UGT1A8: variants seen among roughly 807,000 people sequenced by gnomAD.
The protein encoded by UGT1A8 is UDP-glucuronosyltransferase 1A8.
A neutral mutation model predicts 45.3 loss-of-function variants in UGT1A8; 39 were observed. The ratio of observed to expected loss-of-function variants is 0.86; its 90% CI spans 0.67 to 1.12. UGT1A8 has a LOEUF of 1.12. Among genes scored for constraint, UGT1A8 ranks in the 50% most tolerant of loss-of-function variants. The pLI is 0.00. For synonymous variants in UGT1A8, 275 were observed against 249.2 expected (o/e 1.10, Z -0.97); for missense variants, 719 against 664.9 (o/e 1.08, Z -0.90).
chr2:233,729,180 T>C (rs373402763), intron 1 of UGT1A8: 150 of 1,613,780 alleles, frequency 9.3e-5, no homozygotes, highest in Middle Eastern at 1.7e-4. Flanking sequence ...GACTGCTGCT[T>C]CTCCTCAGTG....
At position 233,689,220 on chromosome 2, in the gene UGT1A8, C is replaced by T. The variant is rs1451554792; in HGVS notation, c.855+70658C>T. On this transcript the variant is annotated intron_variant, in intron 1 of 4. Coordinates refer to ENST00000373450, the MANE Select transcript of UGT1A8 (RefSeq NM_019076.5). Reference sequence around the variant, plus strand: ...TGGCTGGGCAAGCCATACTTACCTGCACTTCCCTATTCCATCTGTGAGTGA... The same window carrying T: ...TGGCTGGGCAAGCCATACTTACCTGTACTTCCCTATTCCATCTGTGAGTGA... 3.0e-4 allele frequency among the ~76,000 whole-genome samples: 45 copies of T among 152,194 alleles called. 1 individual carries two copies. The highest frequency in any genetic ancestry group is 2.4e-5 in the African/African-American group (1 of 41,452).
At chr2:233,682,447 G>C in intron 1 of UGT1A8, 1 of 1,613,828 alleles carries the variant, frequency 6.2e-7, no homozygotes, top group East Asian at 2.2e-5. Flanking sequence ...TCTTCGCCAG[G>C]GGAATATTTT....
intron 1 of UGT1A8, among the ~76,000 whole-genome samples, chr2:233,709,420 GTCC>G (rs1443021141): frequency 6.6e-6 from 1 of 152,122 alleles, no homozygotes; most frequent in Non-Finnish European, 1.5e-5. Context: ...CAATAAGAAT[GTCC>G]TCCAGAAAGG....
intron 1 of UGT1A8, among the ~76,000 whole-genome samples, chr2:233,734,004 T>A (rs2078466874): frequency 6.6e-6 from 1 of 151,924 alleles, no homozygotes; most frequent in South Asian, 2.1e-4. Context: ...ATACCTAATG[T>A]TAAATGACGA....
chr2:233,624,280 C>T (rs1180314229), intron 1 of UGT1A8, among the ~76,000 whole-genome samples: 1 of 152,122 alleles, frequency 6.6e-6, no homozygotes, highest in Admixed American at 6.6e-5. Flanking sequence ...GTTTCTCAGA[C>T]TTTCCTTGTT....
intron 1 of UGT1A8, chr2:233,730,054 A>T (rs2077976978): frequency 1.2e-6 from 2 of 1,611,936 alleles, no homozygotes; most frequent in East Asian, 4.5e-5. Context: ...AAAAAAATGT[A>T]TTTATTTAAA....
chr2:233,625,177 C>T (rs2073068725), intron 1 of UGT1A8, among the ~76,000 whole-genome samples: 1 of 151,960 alleles, frequency 6.6e-6, no homozygotes, highest in African/African-American at 2.4e-5. Flanking sequence ...AAAAACATAA[C>T]ATATGAAAAA....
rs534080873 is a variant in UGT1A8 at position 233,731,172 on chromosome 2, T to C, written c.856-35862T>C. Among the ~76,000 whole-genome samples, 21 of 152,344 alleles carry C rather than the reference T, an allele frequency of 1.4e-4. No individual in the cohort carries two copies. The South Asian group carries it at 3.1e-3, about 23-fold the overall frequency. The stretch of plus-strand genomic sequence containing the variant: ...CTTTTTGATCAAACGACATGATTTT[T>C]TTATGCAATGTAATTATTCAATTAT... On this transcript the variant is annotated intron_variant, in intron 1 of 4. Coordinates refer to ENST00000373450, the MANE Select transcript of UGT1A8 (RefSeq NM_019076.5).
At position 233,772,492 on chromosome 2, in the gene UGT1A8, A is replaced by G; in HGVS notation, c.1526A>G (p.Tyr509Cys). Reference sequence around the variant, plus strand: ...TTCATCACCTTTAAATGTTGTGCTTATGGCTACCGGAAATGCTTGGGGAAA... The same window carrying G: ...TTCATCACCTTTAAATGTTGTGCTTGTGGCTACCGGAAATGCTTGGGGAAA... ...VAFITFKCCA[Y>C]GYRKCLGKKG... Residue 509 changes from tyrosine (Y) to cysteine (C), a missense_variant, in exon 5 of 5, where the codon TAT (tyrosine) becomes TGT (cysteine). Coordinates refer to ENST00000373450, the MANE Select transcript of UGT1A8 (RefSeq NM_019076.5). 6.2e-7 allele frequency: 1 copy of G among 1,614,134 alleles called. No individual in the cohort carries two copies. The highest frequency in any genetic ancestry group is 1.1e-5 in the South Asian group (1 of 91,080).
intron 1 of UGT1A8, among the ~76,000 whole-genome samples, chr2:233,620,616 A>T (rs2072984797): frequency 6.6e-6 from 1 of 152,224 alleles, no homozygotes. Context: ...CTATTAAAGA[A>T]TATATATGTA....
At chr2:233,675,260 A>T (rs1390223484) in intron 1 of UGT1A8, among the ~76,000 whole-genome samples, 1 of 152,198 alleles carries the variant, frequency 6.6e-6, no homozygotes. Flanking sequence ...CTTCTAAACT[A>T]TATCATTCCG....
chr2:233,729,363 C>G (rs747061628), intron 1 of UGT1A8: 9 of 1,614,038 alleles, frequency 5.6e-6, no homozygotes, highest in Non-Finnish European at 5.9e-6. Flanking sequence ...CCCTGACAAC[C>G]TATGCCATTT....
At position 233,682,706 on chromosome 2, in the gene UGT1A8, T is replaced by G. The variant is rs200834770; in HGVS notation, c.855+64144T>G. 8.8e-5 allele frequency: 142 copies of G among 1,613,896 alleles called. No individual in the cohort carries two copies. The Middle Eastern group carries it at 1.2e-3, about 13-fold the overall frequency. On this transcript the variant is annotated intron_variant, in intron 1 of 4. Coordinates refer to ENST00000373450, the MANE Select transcript of UGT1A8 (RefSeq NM_019076.5). ...ATCAATTTGGTTGTTGCGAACTGAC[T>G]TTGTTTTGGAGTATCCCAAACCCGT...
chr2:233,709,023 G>A (rs1369386629), intron 1 of UGT1A8, among the ~76,000 whole-genome samples: 2 of 152,070 alleles, frequency 1.3e-5, no homozygotes, highest in Non-Finnish European at 1.5e-5. Context: ...CCAAGCAGCA[G>A]GGGCTTCAGC....
chr2:233,741,234 T>C (rs1176985414), intron 1 of UGT1A8, among the ~76,000 whole-genome samples: 1 of 151,886 alleles, frequency 6.6e-6, no homozygotes, highest in Non-Finnish European at 1.5e-5. Flanking sequence ...CCACTACCTC[T>C]GAGTGACACT....
chr2:233,644,840 C>CT (rs2073556845), intron 1 of UGT1A8, among the ~76,000 whole-genome samples: 1 of 152,050 alleles, frequency 6.6e-6, no homozygotes, highest in Non-Finnish European at 1.5e-5. Flanking sequence ...TGAGTGCTCA[C>CT]CTGAGTTTTG....
At chr2:233,713,669 T>G in intron 1 of UGT1A8, 1 of 1,613,978 alleles carries the variant, frequency 6.2e-7, no homozygotes, top group Non-Finnish European at 8.5e-7. Context: ...TTTGCCATGC[T>G]GTTTCTGCTC....
chr2:233,679,022 C>T (rs2074435646), intron 1 of UGT1A8, among the ~76,000 whole-genome samples: 1 of 152,136 alleles, frequency 6.6e-6, no homozygotes, highest in Non-Finnish European at 1.5e-5. Flanking sequence ...TGGTGTAATC[C>T]TTCTGGACTT....
In UGT1A8 at chr2:233,682,886, C is replaced by A; in HGVS notation, c.855+64324C>A. On this transcript the variant is annotated intron_variant, in intron 1 of 4. Transcript: ENST00000373450. ...TCATAATTTATCATTTACATTTGTC[C>A]CATTTGGAATTTCTTTCTGGTTTAA... is the stretch of plus-strand genomic sequence containing the variant. 3 of 1,510,084 alleles carry A rather than the reference C, an allele frequency of 2.0e-6. 1 individual carries two copies. The highest frequency in any genetic ancestry group is 1.8e-4 in the Middle Eastern group (1 of 5,610). 93.5% of individuals were successfully genotyped at this position (1,510,084 alleles called of 1,614,324 possible). A position where few individuals can be genotyped will look rare whatever the true frequency, so the allele number is the denominator to read the frequency against.
Sources: gnomAD v4.1 joint callset for allele counts (sites outside exome capture counted in the v4.1 genomes callset) on GRCh38, gnomAD v4.1.1 for gene constraint, MANE v1.5 for transcripts, NCBI Gene and HGNC (gene_info 2026-07-23, HGNC 2026-07-21) for gene names.